APBA2: variants seen among roughly 807,000 people sequenced by gnomAD.
The protein encoded by APBA2 is amyloid beta precursor protein binding family A member 2.
In APBA2, 30 loss-of-function variants were observed where a neutral mutation model predicts 75.0. That is an observed-to-expected ratio of 0.40 (90% CI 0.30 to 0.54). The LOEUF is 0.54. APBA2 is among the 20% of genes least tolerant of loss of function. The pLI, the probability that APBA2 is intolerant of heterozygous loss-of-function variation, is 0.49. For missense variants in APBA2, 801 were observed against 1,016.1 expected, an observed-to-expected ratio of 0.79 and a Z score of 2.88; for synonymous variants, 444 against 409.6, an observed-to-expected ratio of 1.08 and a Z score of -1.01.
intron 2 of APBA2, among the ~76,000 whole-genome samples, chr15:28,925,318 A>C (rs946102700): frequency 6.6e-6 from 1 of 152,164 alleles, no homozygotes; most frequent in Non-Finnish European, 1.5e-5. Context: ...TTTGCTCCTG[A>C]GAGGCAGTGG....
intron 6 of APBA2, among the ~76,000 whole-genome samples, chr15:29,088,514 C>T (rs779547256): frequency 2.6e-5 from 4 of 152,176 alleles, no homozygotes; most frequent in Non-Finnish European, 4.4e-5. Context: ...GCGTCCTCAT[C>T]TTCTCTCAGA....
intron 2 of APBA2, among the ~76,000 whole-genome samples, chr15:28,992,217 C>T (rs969854163): frequency 3.3e-5 from 5 of 152,166 alleles, no homozygotes; most frequent in African/African-American, 7.2e-5. Flanking sequence ...CTTCCTGTCT[C>T]GGGCTCCCTC....
intron 2 of APBA2, among the ~76,000 whole-genome samples, chr15:28,964,510 G>A (rs1487942587): frequency 2.8e-5 from 4 of 143,194 alleles, no homozygotes; most frequent in East Asian, 2.1e-4. Context: ...TTTTTGAGAC[G>A]AAGTCTTGCT....
chr15:28,957,994 G>A (rs1331766370), intron 2 of APBA2, among the ~76,000 whole-genome samples: 5 of 152,174 alleles, frequency 3.3e-5, no homozygotes, highest in African/African-American at 1.2e-4. Context: ...GACAGGCGGG[G>A]GAGCATTTGG....
At chr15:29,078,899 A>G (rs746426328) in intron 6 of APBA2, among the ~76,000 whole-genome samples, 11 of 152,234 alleles carry the variant, frequency 7.2e-5, no homozygotes, top group East Asian at 1.9e-4. Flanking sequence ...ACTTCTCTGC[A>G]TGAGAATCGG....
intron 2 of APBA2, among the ~76,000 whole-genome samples, chr15:28,975,323 G>T (rs2037279702): frequency 6.6e-6 from 1 of 152,080 alleles, no homozygotes; most frequent in Non-Finnish European, 1.5e-5. Flanking sequence ...CATAGAAAAA[G>T]AAACCTTAAG....
At chr15:28,990,251 A>G (rs2038153624) in intron 2 of APBA2, among the ~76,000 whole-genome samples, 1 of 152,116 alleles carries the variant, frequency 6.6e-6, no homozygotes, top group Non-Finnish European at 1.5e-5. Flanking sequence ...CTTTACTAAA[A>G]ATACAAAAAT....
intron 1 of APBA2, among the ~76,000 whole-genome samples, chr15:28,904,943 G>A (rs1462490732): frequency 6.6e-6 from 1 of 152,218 alleles, no homozygotes; most frequent in East Asian, 1.9e-4. Flanking sequence ...CACACTGAGG[G>A]GCTGGGCCGC....
chr15:28,957,064 C>G (rs2152731397), intron 2 of APBA2, among the ~76,000 whole-genome samples: 1 of 149,036 alleles, frequency 6.7e-6, no homozygotes, highest in East Asian at 1.9e-4. Context: ...CTCTTGTTTT[C>G]TTTTTCTTTT....
At chr15:28,993,458 G>A (rs544492022) in intron 2 of APBA2, among the ~76,000 whole-genome samples, 1 of 152,332 alleles carries the variant, frequency 6.6e-6, no homozygotes, top group South Asian at 2.1e-4. Flanking sequence ...TGAGAGAAAA[G>A]AAACATGAAA....
intron 2 of APBA2, among the ~76,000 whole-genome samples, chr15:28,934,111 G>A (rs1375807038): frequency 6.6e-6 from 1 of 152,184 alleles, no homozygotes; most frequent in Non-Finnish European, 1.5e-5. Flanking sequence ...CGGGGGTGGA[G>A]GAGAGCAGGA....
chr15:28,985,302 C>T (rs1331094526), intron 2 of APBA2, among the ~76,000 whole-genome samples: 2 of 152,180 alleles, frequency 1.3e-5, no homozygotes, highest in Non-Finnish European at 2.9e-5. Flanking sequence ...GGCTCCAGCA[C>T]CCCACACGCC....
intron 9 of APBA2, among the ~76,000 whole-genome samples, chr15:29,100,586 A>C (rs181618071): frequency 2.0e-5 from 3 of 152,360 alleles, no homozygotes; most frequent in Admixed American, 1.3e-4. Flanking sequence ...GGCCTGCCAG[A>C]GGCCGAGGGA....
intron 2 of APBA2, among the ~76,000 whole-genome samples, chr15:28,965,093 T>C (rs1187825840): frequency 6.6e-6 from 1 of 152,104 alleles, no homozygotes; most frequent in African/African-American, 2.4e-5. Flanking sequence ...TTTCTACATG[T>C]CTTATAGTTT....
intron 3 of APBA2, among the ~76,000 whole-genome samples, chr15:29,037,623 G>A (rs2040814820): frequency 6.6e-6 from 1 of 152,096 alleles, no homozygotes; most frequent in Non-Finnish European, 1.5e-5. Flanking sequence ...AGAGTGACTG[G>A]GACCCTTGAC....
intron 3 of APBA2, among the ~76,000 whole-genome samples, chr15:29,037,141 T>C (rs910271956): frequency 6.6e-6 from 1 of 152,210 alleles, no homozygotes; most frequent in African/African-American, 2.4e-5. Flanking sequence ...AAGACATCTT[T>C]TGGGAGAATT....
At chr15:29,079,996 G>T (rs1252032841) in intron 6 of APBA2, among the ~76,000 whole-genome samples, 2 of 152,092 alleles carry the variant, frequency 1.3e-5, no homozygotes, top group African/African-American at 2.4e-5. Context: ...GCACAGTGAG[G>T]CTAAAGTCAC....
chr15:29,072,688 C>T (rs1164020350), intron 4 of APBA2, among the ~76,000 whole-genome samples: 5 of 152,000 alleles, frequency 3.3e-5, no homozygotes, highest in African/African-American at 7.3e-5. Context: ...TGCTAGGCTT[C>T]GAAAAGCAGG....
intron 4 of APBA2, among the ~76,000 whole-genome samples, chr15:29,061,896 T>G (rs1397635967): frequency 1.3e-5 from 2 of 152,214 alleles, no homozygotes; most frequent in African/African-American, 4.8e-5. Flanking sequence ...GGCATGGGGT[T>G]GTTGGCACCC....
Sources: gnomAD v4.1 joint callset for allele counts (sites outside exome capture counted in the v4.1 genomes callset) on GRCh38, gnomAD v4.1.1 for gene constraint, MANE v1.5 for transcripts, NCBI Gene and HGNC (gene_info 2026-07-23, HGNC 2026-07-21) for gene names.